CCBE1: variants seen among roughly 807,000 people sequenced by gnomAD.
CCBE1 encodes collagen and calcium binding EGF domains 1.
CCBE1 carries 37 observed loss-of-function variants against 50.0 expected under a neutral mutation model. The ratio of observed to expected loss-of-function variants is 0.74; its 90% CI spans 0.57 to 0.97. The LOEUF (loss-of-function observed/expected upper bound fraction) is 0.97. Among genes scored for constraint, CCBE1 ranks in the 50% least tolerant of loss-of-function variants. The probability of loss-of-function intolerance (pLI) is 0.00; values close to 1 mark genes in which losing one functional copy is unlikely to be tolerated. For synonymous variants in CCBE1, 234 were observed against 203.7 expected (o/e 1.15, Z -1.27); for missense variants, 538 against 523.8 (o/e 1.03, Z -0.26).
intron 2 of CCBE1, among the ~76,000 whole-genome samples, chr18:59,605,253 T>C (rs1485767827): frequency 2.0e-5 from 3 of 152,226 alleles, no homozygotes; most frequent in African/African-American, 7.2e-5. Context: ...CAACATGTTT[T>C]AGGGAACAGC....
chr18:59,451,304 A>C (rs1026454284), intron 6 of CCBE1, among the ~76,000 whole-genome samples: 1 of 152,006 alleles, frequency 6.6e-6, no homozygotes, highest in Non-Finnish European at 1.5e-5. Flanking sequence ...CACACCAGTC[A>C]ACCCAGGACA....
intron 2 of CCBE1, among the ~76,000 whole-genome samples, chr18:59,598,635 A>G (rs765541113): frequency 2.0e-5 from 3 of 152,138 alleles, no homozygotes; most frequent in Non-Finnish European, 4.4e-5. Flanking sequence ...TGCTTCCACC[A>G]TTTATCCATG....
intron 2 of CCBE1, among the ~76,000 whole-genome samples, chr18:59,625,536 A>T (rs956745904): frequency 1.4e-4 from 22 of 152,160 alleles, no homozygotes; most frequent in African/African-American, 4.6e-4. Context: ...GAGAAAAATT[A>T]AAAGCAAGCA....
rs557766002 is a variant in CCBE1 at position 59,602,959 on chromosome 18, C to T, written c.212+93670G>A. ...CTTGCTAAGCCTCTGTGCCTTGTCT[C>T]GAATCATAAAATGCAGTGACAATAC... On this transcript the variant is annotated intron_variant, in intron 2 of 10. Transcript: ENST00000439986. Among the ~76,000 whole-genome samples, 171 of 152,234 alleles carry T rather than the reference C, an allele frequency of 1.1e-3. 1 individual carries two copies. In the Middle Eastern group the frequency reaches 0.014, roughly 12 times the overall value.
intron 2 of CCBE1, among the ~76,000 whole-genome samples, chr18:59,547,398 C>A (rs903205533): frequency 6.6e-6 from 1 of 152,048 alleles, no homozygotes; most frequent in Non-Finnish European, 1.5e-5. Flanking sequence ...GGGGATAAGA[C>A]AAAGAGCCCT....
chr18:59,643,970 C>T (rs978378788), intron 2 of CCBE1, among the ~76,000 whole-genome samples: 2 of 152,320 alleles, frequency 1.3e-5, no homozygotes, highest in African/African-American at 4.8e-5. Context: ...CCCTCTCCCC[C>T]ACCTCTGGAG....
intron 2 of CCBE1, among the ~76,000 whole-genome samples, chr18:59,663,099 G>C (rs1357998315): frequency 3.0e-5 from 4 of 131,306 alleles, no homozygotes; most frequent in African/African-American, 1.3e-4. Context: ...TAGGCACCAG[G>C]CTTGGTGCTA....
intron 2 of CCBE1, among the ~76,000 whole-genome samples, chr18:59,558,847 G>C (rs1405807824): frequency 6.6e-6 from 1 of 152,250 alleles, no homozygotes; most frequent in Non-Finnish European, 1.5e-5. Flanking sequence ...AGGGTGGACA[G>C]TGGGAGAGTA....
At position 59,506,002 on chromosome 18, in the gene CCBE1, G is replaced by T. The variant is rs563357609; in HGVS notation, c.213-25764C>A. Among the ~76,000 whole-genome samples, 11 of 152,336 alleles carry T rather than the reference G, an allele frequency of 7.2e-5. No individual in the cohort carries two copies. In the South Asian group the frequency reaches 2.3e-3, roughly 32 times the overall value. The stretch of plus-strand genomic sequence containing the variant: ...CTCAGGGCTGACCACAGCGGAGCTG[G>T]GTGGGTTGAACAGTGTCTCCCCATT... On this transcript the variant is annotated intron_variant, in intron 2 of 10. Transcript: ENST00000439986.
In CCBE1 at chr18:59,516,758, G is replaced by A. The variant is rs546958754; in HGVS notation, c.213-36520C>T. ...TCAGACTCTTGGAAGGCAGAATGTG[G>A]CAGGAGTGTAAGATCACCTGCACAG... On this transcript the variant is annotated intron_variant, in intron 2 of 10. Coordinates refer to ENST00000439986, the MANE Select transcript of CCBE1 (RefSeq NM_133459.4). Among the ~76,000 whole-genome samples the A allele has an allele frequency of 1.1e-4, 17 of 152,242 alleles. No individual in the cohort carries two copies. In the South Asian group the frequency reaches 3.3e-3, roughly 30 times the overall value.
intron 2 of CCBE1, among the ~76,000 whole-genome samples, chr18:59,501,871 A>G (rs1481889891): frequency 1.3e-5 from 2 of 152,074 alleles, no homozygotes; most frequent in Non-Finnish European, 2.9e-5. Context: ...CAGTGGTACA[A>G]TCGTAGCTTA....
intron 2 of CCBE1, among the ~76,000 whole-genome samples, chr18:59,584,402 A>G (rs1036316752): frequency 6.6e-6 from 1 of 151,578 alleles, no homozygotes; most frequent in African/African-American, 2.4e-5. Context: ...CTAATGCTAA[A>G]TGACGAGTTA....
intron 5 of CCBE1, chr18:59,455,318 G>A (rs1911139949): frequency 5.5e-6 from 2 of 363,936 alleles, no homozygotes; most frequent in African/African-American, 2.1e-5. Flanking sequence ...AAGGGCTAAT[G>A]TTCACACACT....
intron 2 of CCBE1, among the ~76,000 whole-genome samples, chr18:59,679,731 G>A (rs879504286): frequency 2.0e-5 from 3 of 152,164 alleles, no homozygotes; most frequent in Admixed American, 2.0e-4. Flanking sequence ...TTGAGGATGC[G>A]CGTCCATGAC....
chr18:59,550,371 T>C (rs931441612), intron 2 of CCBE1, among the ~76,000 whole-genome samples: 9 of 152,154 alleles, frequency 5.9e-5, no homozygotes, highest in Admixed American at 5.9e-4. Context: ...ACAGAGGCAA[T>C]CTAGCCTCAA....
intron 1 of CCBE1, 140 bp from the exon 2 acceptor site, chr18:59,696,849 G>C: frequency 1.1e-6 from 1 of 943,908 alleles, no homozygotes; most frequent in South Asian, 1.3e-5. Context: ...CCCCAAACGC[G>C]TACGCGGGGC....
intron 2 of CCBE1, among the ~76,000 whole-genome samples, chr18:59,491,269 C>G (rs543445302): frequency 7.2e-5 from 11 of 152,244 alleles, no homozygotes; most frequent in East Asian, 3.9e-4. Flanking sequence ...CCCTTGCCAC[C>G]TCGCCCTCTC....
At chr18:59,479,094 T>C (rs1259476857) in intron 3 of CCBE1, among the ~76,000 whole-genome samples, 1 of 152,244 alleles carries the variant, frequency 6.6e-6, no homozygotes. Context: ...TGCAACAGAA[T>C]TAGCTTGGCT....
chr18:59,679,829 T>C (rs1295446122), intron 2 of CCBE1, among the ~76,000 whole-genome samples: 2 of 152,130 alleles, frequency 1.3e-5, no homozygotes, highest in East Asian at 1.9e-4. Flanking sequence ...AACCGACATA[T>C]GTAAGATGAA....
Sources: gnomAD v4.1 joint callset for allele counts (sites outside exome capture counted in the v4.1 genomes callset) on GRCh38, gnomAD v4.1.1 for gene constraint, MANE v1.5 for transcripts, NCBI Gene and HGNC (gene_info 2026-07-23, HGNC 2026-07-21) for gene names.